Variants in KLHL1 observed in about 807,000 individuals in gnomAD.
KLHL1 encodes the protein kelch like family member 1.
KLHL1 carries 47 observed loss-of-function variants against 77.7 expected under a neutral mutation model. The ratio of observed to expected loss-of-function variants is 0.60; its 90% CI spans 0.48 to 0.77. The LOEUF is 0.77. Among genes scored for constraint, KLHL1 ranks in the 30% least tolerant of loss-of-function variants. KLHL1 has a pLI of 0.00. For missense variants in KLHL1, 925 were observed against 910.8 expected, an observed-to-expected ratio of 1.02 and a Z score of -0.20; for synonymous variants, 360 against 325.2, an observed-to-expected ratio of 1.11 and a Z score of -1.15.
intron 3 of KLHL1, among the ~76,000 whole-genome samples, chr13:69,956,161 A>G (rs1883882033): frequency 7.2e-6 from 1 of 139,334 alleles, no homozygotes; most frequent in Non-Finnish European, 1.5e-5. Context: ...TATATATTTG[A>G]TATATATATT....
At position 70,063,179 on chromosome 13, in the gene KLHL1, T is replaced by C. The variant is rs370716666; in HGVS notation, c.497+44024A>G. Among the ~76,000 whole-genome samples, 19 of 152,298 alleles carry C rather than the reference T, an allele frequency of 1.2e-4. No homozygotes were observed. The South Asian group carries it at 3.5e-3, about 28-fold the overall frequency. ...AGTATCCAGATCCAGCTCTGATTAC[T>C]TCTCTAAGTAGACTATGCTAGGTGA... On this transcript the variant is annotated intron_variant, in intron 1 of 10. Coordinates refer to ENST00000377844, the MANE Select transcript of KLHL1 (RefSeq NM_020866.3).
chr13:69,842,658 C>T (rs1439690469), intron 5 of KLHL1, among the ~76,000 whole-genome samples: 1 of 151,762 alleles, frequency 6.6e-6, no homozygotes, highest in African/African-American at 2.4e-5. Flanking sequence ...AGTAGAATTA[C>T]CATTTGATCC....
intron 1 of KLHL1, among the ~76,000 whole-genome samples, chr13:69,977,769 G>A (rs58606453): frequency 0.042 from 6,349 of 152,058 alleles, 188 homozygotes; most frequent in African/African-American, 0.084. Context: ...TAAAAAATTC[G>A]GAGAGCCTTA....
intron 10 of KLHL1, among the ~76,000 whole-genome samples, chr13:69,703,324 A>T (rs1366917085): frequency 6.6e-6 from 1 of 151,628 alleles, no homozygotes. Flanking sequence ...TGAAAATGGA[A>T]AAAAGCTCAT....
intron 7 of KLHL1, among the ~76,000 whole-genome samples, chr13:69,745,555 A>G (rs1423024144): frequency 3.3e-5 from 5 of 151,964 alleles, no homozygotes; most frequent in Non-Finnish European, 5.9e-5. Flanking sequence ...TTTTAAAGCA[A>G]TAATGTTGGT....
At chr13:70,027,414 C>T (rs2137360717) in intron 1 of KLHL1, among the ~76,000 whole-genome samples, 1 of 151,992 alleles carries the variant, frequency 6.6e-6, no homozygotes, top group East Asian at 1.9e-4. Context: ...CCATGAGTCC[C>T]AACACAGCTT....
At chr13:69,721,360 A>C (rs1360236259) in intron 8 of KLHL1, among the ~76,000 whole-genome samples, 1 of 151,196 alleles carries the variant, frequency 6.6e-6, no homozygotes, top group East Asian at 2.0e-4. Flanking sequence ...TATAAAATCA[A>C]GCTGTGCCCC....
At chr13:69,891,766 G>A (rs1881431104) in intron 4 of KLHL1, among the ~76,000 whole-genome samples, 1 of 151,820 alleles carries the variant, frequency 6.6e-6, no homozygotes, top group Non-Finnish European at 1.5e-5. Context: ...AATTATTTTG[G>A]GAAGATTCTT....
At chr13:69,803,262 C>G (rs114271516) in intron 6 of KLHL1, among the ~76,000 whole-genome samples, 3,522 of 152,016 alleles carry the variant, frequency 0.023, 134 homozygotes, top group African/African-American at 0.081. Flanking sequence ...TTTATAAAAG[C>G]CTGATGAAAT....
intron 1 of KLHL1, among the ~76,000 whole-genome samples, chr13:70,038,513 A>G (rs1186234754): frequency 2.0e-5 from 3 of 150,850 alleles, no homozygotes; most frequent in African/African-American, 7.3e-5. Context: ...GCTATTTTAC[A>G]TGTCCAAAAA....
At chr13:69,746,517 T>C (rs1377428971) in intron 7 of KLHL1, among the ~76,000 whole-genome samples, 2 of 152,054 alleles carry the variant, frequency 1.3e-5, no homozygotes, top group Non-Finnish European at 2.9e-5. Context: ...AATCTTTGAC[T>C]TTGGTTATTT....
chr13:70,040,936 C>A (rs1226011427), intron 1 of KLHL1, among the ~76,000 whole-genome samples: 7 of 151,956 alleles, frequency 4.6e-5, no homozygotes, highest in Admixed American at 4.6e-4. Context: ...AGTCTCTTTT[C>A]TCTCTGTTTG....
chr13:69,803,560 C>T (rs373157182), intron 6 of KLHL1, among the ~76,000 whole-genome samples: 12 of 152,202 alleles, frequency 7.9e-5, no homozygotes, highest in Non-Finnish European at 1.2e-4. Flanking sequence ...TGAACGGCTA[C>T]GCTATATAGC....
chr13:70,089,497 A>C (rs1887623681), intron 1 of KLHL1, among the ~76,000 whole-genome samples: 1 of 152,098 alleles, frequency 6.6e-6, no homozygotes, highest in Admixed American at 6.6e-5. Flanking sequence ...TCAAATACAC[A>C]CCTCCAGATT....
chr13:70,074,290 C>A lies in KLHL1; in HGVS notation c.497+32913G>T, dbSNP rs143318239. 2.7e-3 allele frequency among the ~76,000 whole-genome samples: 411 copies of A among 152,232 alleles called. 2 individuals are homozygous for A. The highest frequency in any genetic ancestry group is 4.6e-3 in the Non-Finnish European group (312 of 68,036). On this transcript the variant is annotated intron_variant, in intron 1 of 10. Transcript: ENST00000377844. ...GTACTACCATCTCTCGGCATCACTA[C>A]AGTTGCCACTCCTTTCTGTCGTCTG...
chr13:69,803,414 T>C (rs1479981772), intron 6 of KLHL1, among the ~76,000 whole-genome samples: 1 of 152,182 alleles, frequency 6.6e-6, no homozygotes, highest in Non-Finnish European at 1.5e-5. Flanking sequence ...AACACTTCTT[T>C]TTATGACTTC....
At chr13:70,001,557 G>C (rs936015777) in intron 1 of KLHL1, among the ~76,000 whole-genome samples, 5 of 148,492 alleles carry the variant, frequency 3.4e-5, no homozygotes, top group Non-Finnish European at 7.5e-5. Flanking sequence ...TTTAAACATT[G>C]GGATATCTAT....
chr13:69,957,379 A>G (rs1883924317), intron 3 of KLHL1, among the ~76,000 whole-genome samples: 1 of 151,682 alleles, frequency 6.6e-6, no homozygotes, highest in African/African-American at 2.4e-5. Context: ...GCTGTATTCT[A>G]TCAGTTTTCT....
At chr13:70,072,562 T>C (rs1887160507) in intron 1 of KLHL1, among the ~76,000 whole-genome samples, 1 of 151,944 alleles carries the variant, frequency 6.6e-6, no homozygotes, top group Non-Finnish European at 1.5e-5. Context: ...GCACATCAAA[T>C]AGAAAAATGT....
Sources: gnomAD v4.1 joint callset for allele counts (sites outside exome capture counted in the v4.1 genomes callset) on GRCh38, gnomAD v4.1.1 for gene constraint, MANE v1.5 for transcripts, NCBI Gene and HGNC (gene_info 2026-07-23, HGNC 2026-07-21) for gene names.